Variants in HIP1 observed in about 807,000 individuals in gnomAD.
The protein encoded by HIP1 is huntingtin interacting protein 1, also known as huntingtin-interacting protein 1.
HIP1 carries 65 observed loss-of-function variants against 147.6 expected under a neutral mutation model. The observed-to-expected ratio is 0.44, with a 90% confidence interval of 0.36 to 0.54. HIP1 has a LOEUF of 0.54. Ranked by LOEUF, HIP1 falls within the 20% of genes least tolerant of loss-of-function variation. HIP1 has a pLI of 0.00. For missense variants in HIP1, 1,061 were observed against 1,299.6 expected, an observed-to-expected ratio of 0.82 and a Z score of 2.82; for synonymous variants, 479 against 504.0, an observed-to-expected ratio of 0.95 and a Z score of 0.67.
chr7:75,724,960 A>T (rs1801608851), intron 1 of HIP1, among the ~76,000 whole-genome samples: 2 of 152,212 alleles, frequency 1.3e-5, no homozygotes, highest in African/African-American at 2.4e-5. Flanking sequence ...CAAAGGATGC[A>T]TCAACAGGGT....
rs1794121387 is a variant in HIP1, at chr7:75,537,359, A to G, written c.*813T>C. On this transcript the variant is annotated 3_prime_UTR_variant, in exon 31 of 31. Transcript: ENST00000336926. ...CAGCAGCTCCGCCTGACCCTGGAGC[A>G]TGGACTGGGTGGGCCAGCACTTGGT... 1 of 232,920 alleles carries G rather than the reference A, an allele frequency of 4.3e-6. No homozygotes were observed. Among genetic ancestry groups the G allele is most frequent in the Admixed American group, 5.6e-5 (1 of 17,748 alleles). 14.4% of individuals were successfully genotyped at this position (232,920 alleles called of 1,614,324 possible).
rs782059535 is a variant in HIP1 at position 75,533,479 on chromosome 7, G to T, written c.*4693C>A. The T allele has an allele frequency of 4.3e-6, 1 of 232,146 alleles. No homozygotes were observed. The highest frequency in any genetic ancestry group is 5.6e-5 in the Admixed American group (1 of 17,732). 14.4% of individuals were successfully genotyped at this position (232,146 alleles called of 1,614,324 possible). A position where few individuals can be genotyped will look rare whatever the true frequency, so the allele number is the denominator to read the frequency against. ...TTCATTTCAAGGAACTACCCTAATG[G>T]AAACCCAGGGGAAAGGTTAAAAACA... On this transcript the variant is annotated 3_prime_UTR_variant, in exon 31 of 31. Coordinates refer to ENST00000336926, the MANE Select transcript of HIP1 (RefSeq NM_005338.7).
At chr7:75,664,046 ATGTGTATATACACATATATG>A (rs1799436410) in intron 1 of HIP1, among the ~76,000 whole-genome samples, 2 of 80,908 alleles carry the variant, frequency 2.5e-5, no homozygotes, top group Admixed American at 3.3e-4. Flanking sequence ...ATACACATAT[ATGTGTATATACACATATATG>A]TGTATATACA....
chr7:75,570,324 C>T (rs1450211768), intron 8 of HIP1, among the ~76,000 whole-genome samples: 7 of 148,758 alleles, frequency 4.7e-5, no homozygotes, highest in Non-Finnish European at 1.0e-4. Flanking sequence ...CGATGTCTCG[C>T]TCTGTCACCC....
intron 1 of HIP1, among the ~76,000 whole-genome samples, chr7:75,656,263 T>G (rs907964836): frequency 4.0e-5 from 6 of 151,638 alleles, no homozygotes; most frequent in South Asian, 2.1e-4. Context: ...ATAGACCAAA[T>G]CTATATATTT....
At chr7:75,550,543 G>C (rs145109212) in intron 22 of HIP1, among the ~76,000 whole-genome samples, 23 of 152,222 alleles carry the variant, frequency 1.5e-4, no homozygotes, top group South Asian at 2.1e-4. Flanking sequence ...CTCCTGAGTA[G>C]CTGGGACAAC....
At chr7:75,546,802 T>C (rs1248497207) in intron 25 of HIP1, 137 bp downstream of exon 25, 2 of 637,616 alleles carry the variant, frequency 3.1e-6, no homozygotes, top group Non-Finnish European at 5.4e-6. Context: ...CCAGGGCCTC[T>C]GCTGATATCT....
intron 1 of HIP1, among the ~76,000 whole-genome samples, chr7:75,619,018 G>C (rs76822090): frequency 0.053 from 8,014 of 152,134 alleles, 291 homozygotes; most frequent in Middle Eastern, 0.11. Context: ...TGTGTAGAAA[G>C]AAAGCCTTTG....
chr7:75,667,450 T>A (rs1799595281), intron 1 of HIP1, among the ~76,000 whole-genome samples: 1 of 152,182 alleles, frequency 6.6e-6, no homozygotes, highest in Non-Finnish European at 1.5e-5. Context: ...AATGAAAAAA[T>A]TCTATAAACC....
chr7:75,637,995 CACACACACATACACACACACACA>C, intron 1 of HIP1, among the ~76,000 whole-genome samples: 1 of 49,122 alleles, frequency 2.0e-5, no homozygotes, highest in African/African-American at 1.2e-4. Context: ...CCCCCCCCCA[CACACACACATACACACACACACA>C]CACACACACA....
At chr7:75,587,916 A>G (rs1796343664) in intron 4 of HIP1, among the ~76,000 whole-genome samples, 1 of 152,192 alleles carries the variant, frequency 6.6e-6, no homozygotes, top group Admixed American at 6.6e-5. Flanking sequence ...GTGAGCTGTG[A>G]TCATGTCACC....
chr7:75,539,225 G>C (rs1263293743), intron 30 of HIP1, 98 bp downstream of exon 30: 3 of 794,396 alleles, frequency 3.8e-6, no homozygotes, highest in Non-Finnish European at 6.5e-6. Context: ...CCACCGATCT[G>C]GTGGGTTCCT....
At chr7:75,629,996 A>C (rs1274952643) in intron 1 of HIP1, among the ~76,000 whole-genome samples, 1 of 152,152 alleles carries the variant, frequency 6.6e-6, no homozygotes, top group Non-Finnish European at 1.5e-5. Flanking sequence ...CTGTCTCTGC[A>C]AAAAAGTTAA....
chr7:75,541,253 G>A (rs1046280516), intron 29 of HIP1, among the ~76,000 whole-genome samples: 1 of 151,708 alleles, frequency 6.6e-6, no homozygotes, highest in Non-Finnish European at 1.5e-5. Flanking sequence ...AATTAAGGCT[G>A]GGCACGGTGG....
chr7:75,554,352 G>A, intron 20 of HIP1, 88 bp downstream of exon 20: 1 of 1,305,212 alleles, frequency 7.7e-7, no homozygotes, highest in East Asian at 2.3e-5. Flanking sequence ...TTGATGCAGA[G>A]GGACCTGTCA....
At position 75,680,753 on chromosome 7, in the gene HIP1, G is replaced by A. The variant is rs557767109; in HGVS notation, c.120+58048C>T. 3.3e-5 allele frequency among the ~76,000 whole-genome samples: 5 copies of A among 152,008 alleles called. No homozygotes were observed. In the East Asian group the frequency reaches 7.7e-4, roughly 24 times the overall value. The stretch of plus-strand genomic sequence containing the variant: ...GCCTCCCAAGTAGCTGGAATTACAG[G>A]CATGTGCCACCACGCCCGGCTAAAT... On this transcript the variant is annotated intron_variant, in intron 1 of 30. Coordinates refer to ENST00000336926, the MANE Select transcript of HIP1 (RefSeq NM_005338.7).
chr7:75,667,551 T>C (rs1245357582), intron 1 of HIP1, among the ~76,000 whole-genome samples: 2 of 152,232 alleles, frequency 1.3e-5, no homozygotes. Context: ...ACTGGTTCAA[T>C]CATAGCTCAC....
intron 1 of HIP1, among the ~76,000 whole-genome samples, chr7:75,603,065 G>A (rs1377360793): frequency 1.3e-5 from 2 of 149,402 alleles, no homozygotes; most frequent in Non-Finnish European, 3.0e-5. Flanking sequence ...AATCCTTCCC[G>A]GCCGGGCGCA....
chr7:75,713,540 C>A (rs192459381), intron 1 of HIP1, among the ~76,000 whole-genome samples: 1 of 152,232 alleles, frequency 6.6e-6, no homozygotes, highest in Admixed American at 6.5e-5. Flanking sequence ...CATTCTCCAC[C>A]CTCTGATGCA....
Sources: gnomAD v4.1 joint callset for allele counts (sites outside exome capture counted in the v4.1 genomes callset) on GRCh38, gnomAD v4.1.1 for gene constraint, MANE v1.5 for transcripts, NCBI Gene and HGNC (gene_info 2026-07-23, HGNC 2026-07-21) for gene names.